Variants in C5AR1 observed in about 807,000 individuals in gnomAD.
C5AR1 encodes the protein complement C5a receptor 1, also known as C5a anaphylatoxin chemotactic receptor 1.
A neutral mutation model predicts 2.4 loss-of-function variants in C5AR1; 4 were observed. The ratio of observed to expected loss-of-function variants is 1.65; its 90% CI spans 0.81 to 3.77. The LOEUF (loss-of-function observed/expected upper bound fraction) is 3.77. Among genes scored for constraint, C5AR1 ranks in the 30% most tolerant of loss-of-function variants. The pLI is 0.01. For missense variants in C5AR1, 418 were observed against 462.5 expected, an observed-to-expected ratio of 0.90 and a Z score of 0.88; for synonymous variants, 209 against 210.4, an observed-to-expected ratio of 0.99 and a Z score of 0.06.
chr19:47,314,645 G>T (rs953308243), intron 1 of C5AR1, among the ~76,000 whole-genome samples: 5 of 151,572 alleles, frequency 3.3e-5, no homozygotes, highest in African/African-American at 7.3e-5. Context: ...TGATCCACCC[G>T]CCTGGGCCTC....
At chr19:47,317,122 G>T (rs1385681624) in intron 1 of C5AR1, among the ~76,000 whole-genome samples, 1 of 151,096 alleles carries the variant, frequency 6.6e-6, no homozygotes, top group African/African-American at 2.4e-5. Context: ...GAGCCAGAGG[G>T]GCTGGGGTGA....
chr19:47,314,973 C>T (rs907343291), intron 1 of C5AR1, among the ~76,000 whole-genome samples: 2 of 152,182 alleles, frequency 1.3e-5, no homozygotes, highest in East Asian at 1.9e-4. Flanking sequence ...GGATTACAGG[C>T]GTGAGCCACC....
intron 1 of C5AR1, among the ~76,000 whole-genome samples, chr19:47,311,571 C>A (rs1422503031): frequency 6.6e-6 from 1 of 151,900 alleles, no homozygotes; most frequent in African/African-American, 2.4e-5. Flanking sequence ...CCTTTTCTTT[C>A]CTTTTATTTT....
In C5AR1 at chr19:47,320,712, G is replaced by A. The variant is rs1489448180; in HGVS notation, c.935G>A (p.Arg312Gln). 3.1e-6 allele frequency: 5 copies of A among 1,614,078 alleles called. No homozygotes were observed. Among genetic ancestry groups the A allele is most frequent in the East Asian group, 2.2e-5 (1 of 44,872 alleles). Residue 312 changes from arginine to glutamine, a missense_variant, in exon 2 of 2, where the codon CGG becomes CAG. Coordinates refer to ENST00000355085, the MANE Select transcript of C5AR1 (RefSeq NM_001736.4). This position sits in a 1 kb window ranked among gnomAD's most constrained non-coding sequence, Gnocchi z 4.9. ...VAGQGFQGRL[R>Q]KSLPSLLRNV... ...GGCCAGGGCTTCCAGGGCCGACTGC[G>A]GAAATCCCTCCCCAGCCTCCTCCGG...
intron 1 of C5AR1, among the ~76,000 whole-genome samples, chr19:47,317,929 C>G (rs182579206): frequency 2.4e-4 from 36 of 151,012 alleles, no homozygotes; most frequent in African/African-American, 8.8e-4. Context: ...TGCAGTGACC[C>G]GAGATCGTGC....
intron 1 of C5AR1, among the ~76,000 whole-genome samples, chr19:47,317,723 C>G (rs1295891573): frequency 6.6e-6 from 1 of 151,904 alleles, no homozygotes; most frequent in Non-Finnish European, 1.5e-5. Flanking sequence ...TGGCTCATGC[C>G]TGTAATCCCA....
At chr19:47,307,538 G>T (rs1168209103), upstream of C5AR1, 1 of 152,128 alleles carries the variant, frequency 6.6e-6, no homozygotes, top group Admixed American at 6.6e-5. Flanking sequence ...AGTAGAGATG[G>T]GGTTTTGCCA....
At chr19:47,316,616 T>A (rs1282037078) in intron 1 of C5AR1, 1 of 152,146 alleles carries the variant, frequency 6.6e-6, no homozygotes, top group African/African-American at 2.4e-5. Flanking sequence ...ATTTTTGTAT[T>A]TTTAATGGCC....
chr19:47,320,515 A>C lies in C5AR1; in HGVS notation c.738A>C (p.Ala246=), dbSNP rs754324636. The C allele has an allele frequency of 6.2e-7, 1 of 1,613,776 alleles. No homozygotes were observed. Among genetic ancestry groups the C allele is most frequent in the South Asian group, 1.1e-5 (1 of 91,064 alleles). The change falls in exon 2 of 2, where the codon GCA becomes GCC. Residue 246 remains alanine (A), a synonymous_variant. Transcript: ENST00000355085. This position sits in a 1 kb window ranked among gnomAD's most constrained non-coding sequence, Gnocchi z 4.9. ...CCAAGACACTCAAGGTGGTGGTGGC[A>C]GTGGTGGCCAGTTTCTTTATCTTCT... ...RSTKTLKVVV[A]VVASFFIFWL... is the part of the protein sequence containing the mutation.
chr19:47,319,163 G>A (rs1314944278), intron 1 of C5AR1, among the ~76,000 whole-genome samples: 1 of 150,698 alleles, frequency 6.6e-6, no homozygotes, highest in Non-Finnish European at 1.5e-5. Context: ...GATTACAGGT[G>A]TGAGCCACCG....
At chr19:47,312,995 G>A (rs2059275478) in intron 1 of C5AR1, among the ~76,000 whole-genome samples, 1 of 152,054 alleles carries the variant, frequency 6.6e-6, no homozygotes, top group Non-Finnish European at 1.5e-5. Flanking sequence ...TTTGTTTTGA[G>A]ACAGAGTCTC....
chr19:47,321,454 C>T lies in C5AR1; in HGVS notation c.*624C>T, dbSNP rs528669735. 1 of 151,968 alleles carries T rather than the reference C, an allele frequency of 6.6e-6. No homozygotes were observed. Among genetic ancestry groups the T allele is most frequent in the Admixed American group, 6.6e-5 (1 of 15,228 alleles). The allele number at this position is 151,968 out of a possible 1,614,324, so 9.4% of individuals were successfully genotyped here. A position where few individuals can be genotyped will look rare whatever the true frequency, so the allele number is the denominator to read the frequency against. Reference sequence around the variant, plus strand: ...TGAAACCCCGTCTGTACTAAAAATACAAAAAATTAACTGGGCATGGTAGTG... The same window carrying T: ...TGAAACCCCGTCTGTACTAAAAATATAAAAAATTAACTGGGCATGGTAGTG... On this transcript the variant is annotated 3_prime_UTR_variant, in exon 2 of 2. Transcript: ENST00000355085.
chr19:47,318,257 C>G (rs12984684), intron 1 of C5AR1, among the ~76,000 whole-genome samples: 32 of 152,062 alleles, frequency 2.1e-4, no homozygotes, highest in Admixed American at 1.3e-3. Context: ...CTTCTGGTGC[C>G]TCGTGCTTCT....
rs768248790 is a variant in C5AR1 at position 47,320,559 on chromosome 19, C to T, written c.782C>T (p.Thr261Met). The T allele has an allele frequency of 2.0e-5, 32 of 1,614,014 alleles. No homozygotes were observed. Among genetic ancestry groups the T allele is most frequent in the Admixed American group, 5.0e-5 (3 of 59,990 alleles). Residue 261 changes from threonine to methionine, a missense_variant, in exon 2 of 2, where the codon ACG (threonine) becomes ATG (methionine). Transcript: ENST00000355085. The surrounding 1 kb of genome is among the most constrained non-coding windows in gnomAD (Gnocchi z 4.9). Reference sequence around the variant, plus strand: ...ATCTTCTGGTTGCCCTACCAGGTGACGGGGATAATGATGTCCTTCCTGGAG... The same window carrying T: ...ATCTTCTGGTTGCCCTACCAGGTGATGGGGATAATGATGTCCTTCCTGGAG... The part of the protein sequence containing the change: ...FFIFWLPYQV[T>M]GIMMSFLEPS...
Position 47,320,406 on chromosome 19 carries a change from G to A in C5AR1, c.629G>A (p.Gly210Asp). The A allele has an allele frequency of 6.2e-7, 1 of 1,610,514 alleles. No individual in the cohort carries two copies. The change falls in exon 2 of 2, where the codon GGC (glycine) becomes GAC (aspartate). Residue 210 changes from glycine (G) to aspartate (D), a missense_variant. Physicochemically the swap from Gly to Asp is moderately conservative, Grantham distance 94. Transcript: ENST00000355085. The surrounding 1 kb of genome is among the most constrained non-coding windows in gnomAD (Gnocchi z 4.9). ...GTGGCCATCGTCCGGCTGGTCCTGGGCTTCCTGTGGCCTCTACTCACGCTC... is the reference window on the plus strand; with the variant it reads ...GTGGCCATCGTCCGGCTGGTCCTGGACTTCCTGTGGCCTCTACTCACGCTC... Reference protein sequence around the residue: ...RAVAIVRLVLGFLWPLLTLTI... With the variant: ...RAVAIVRLVLDFLWPLLTLTI...
At chr19:47,313,809 T>C (rs1422468533) in intron 1 of C5AR1, among the ~76,000 whole-genome samples, 3 of 152,022 alleles carry the variant, frequency 2.0e-5, no homozygotes, top group East Asian at 1.9e-4. Context: ...CTGTCTCTGT[T>C]CTTGCTAACC....
intron 1 of C5AR1, among the ~76,000 whole-genome samples, chr19:47,318,881 A>AT (rs34790165): frequency 0.88 from 86,988 of 99,366 alleles, 38,449 homozygotes; most frequent in East Asian, 0.98. Context: ...TTTTTGTTCT[A>AT]TTTTTTTTTT....
chr19:47,312,925 A>G (rs1202682583), intron 1 of C5AR1, among the ~76,000 whole-genome samples: 1 of 152,082 alleles, frequency 6.6e-6, no homozygotes, highest in Admixed American at 6.6e-5. Context: ...ATATGCTAGT[A>G]GGAGGTTTCA....
rs541101074 is a variant in C5AR1 at position 47,310,346 on chromosome 19, A to AT, written c.3+459dup. The stretch of plus-strand genomic sequence containing the variant: ...GCCAACATAGTGAGACCCTGTCTGT[A>AT]TTTTTTTTTTTATTTAAAGAATTCC... On this transcript the variant is annotated intron_variant, in intron 1 of 1. Transcript: ENST00000355085. 3.4e-3 allele frequency among the ~76,000 whole-genome samples: 508 copies of AT among 148,096 alleles called. 1 individual carries two copies. The highest frequency in any genetic ancestry group is 0.011 in the African/African-American group (454 of 40,480).
Sources: allele counts gnomAD v4.1 joint callset (sites outside exome capture counted in the v4.1 genomes callset), GRCh38; gene constraint gnomAD v4.1.1; non-coding constraint Gnocchi (gnomAD v3.1); transcripts MANE v1.5; gene names NCBI Gene and HGNC (gene_info 2026-07-23, HGNC 2026-07-21).